The following MTMR10 variants were observed in gnomAD, a reference collection of about 807,000 sequenced individuals.
MTMR10 encodes myotubularin-related protein 10.
A neutral mutation model predicts 88.1 loss-of-function variants in MTMR10; 56 were observed. The observed-to-expected ratio is 0.64, with a 90% CI of 0.51 to 0.79. The LOEUF is 0.79. MTMR10 is among the 30% of genes least tolerant of loss of function. The probability of loss-of-function intolerance (pLI) is 0.00; values close to 1 mark genes in which losing one functional copy is unlikely to be tolerated. For missense variants in MTMR10, 883 were observed against 924.7 expected, an observed-to-expected ratio of 0.95 and a Z score of 0.58; for synonymous variants, 380 against 340.9, an observed-to-expected ratio of 1.11 and a Z score of -1.26.
At chr15:30,936,490 T>A (rs1421225398), downstream of MTMR10, among the ~76,000 whole-genome samples, 8 of 152,198 alleles carry the variant, frequency 5.3e-5, no homozygotes, top group Non-Finnish European at 1.0e-4. Context: ...TTTAAAACAA[T>A]TTTTCATTTG....
At chr15:30,947,709 C>T (rs1175747974) in intron 13 of MTMR10, among the ~76,000 whole-genome samples, 2 of 152,204 alleles carry the variant, frequency 1.3e-5, no homozygotes, top group Non-Finnish European at 2.9e-5. Context: ...CCCCATATTT[C>T]AGAAAACACT....
At chr15:30,990,699 CATG>C in intron 2 of MTMR10, 75 bp downstream of exon 2, 1 of 1,223,204 alleles carries the variant, frequency 8.2e-7, no homozygotes, top group Non-Finnish European at 1.2e-6. Context: ...AAGTTAACCA[CATG>C]ATACTAGTCG....
At chr15:30,951,459 C>T (rs181775393) in intron 12 of MTMR10, among the ~76,000 whole-genome samples, 61 of 152,256 alleles carry the variant, frequency 4.0e-4, no homozygotes, top group Admixed American at 6.5e-4. Context: ...AGGGTAAAAA[C>T]TGGACTACTT....
the MTMR10 span, among the ~76,000 whole-genome samples, chr15:30,926,273 C>T: frequency 2.2e-4 from 34 of 152,338 alleles, no homozygotes; most frequent in African/African-American, 7.9e-4. Context: ...TCCTTCTGTT[C>T]TCTCCTGCCC....
At chr15:30,985,783 T>C (rs1307686026) in intron 2 of MTMR10, among the ~76,000 whole-genome samples, 1 of 152,194 alleles carries the variant, frequency 6.6e-6, no homozygotes, top group African/African-American at 2.4e-5. Context: ...ATTAGTGCAC[T>C]TCCTTGGGGT....
At chr15:30,925,717 G>T in the MTMR10 span, 2 of 1,549,334 alleles carry the variant, frequency 1.3e-6, no homozygotes, top group Non-Finnish European at 1.8e-6. Flanking sequence ...CAATCCTCAC[G>T]ATGCTACAGG....
chr15:30,919,394 A>G, the MTMR10 span, among the ~76,000 whole-genome samples: 1 of 150,212 alleles, frequency 6.7e-6, no homozygotes. Context: ...AAAAAAAAAA[A>G]AAAAAATCAT....
At chr15:30,946,721 A>G (rs1440235029) in intron 14 of MTMR10, 1 of 702,866 alleles carries the variant, frequency 1.4e-6, no homozygotes, top group South Asian at 1.5e-5. Flanking sequence ...TTGTGACCAG[A>G]AACTTCAAAC....
In MTMR10 at chr15:30,990,692, T is replaced by G; in HGVS notation, c.121+85A>C. Reference sequence around the variant, plus strand: ...AGAAAGTTTAATGAGAGAAGGGAAGTTAACCACATGATACTAGTCGGCAGA... The same window carrying G: ...AGAAAGTTTAATGAGAGAAGGGAAGGTAACCACATGATACTAGTCGGCAGA... On this transcript the variant is annotated intron_variant, in intron 2 of 15. Transcript: ENST00000435680. The G allele has an allele frequency of 2.6e-6, 3 of 1,151,624 alleles. No homozygotes were observed. In the South Asian group the frequency reaches 4.2e-5, roughly 16 times the overall value. The allele number at this position is 1,151,624 out of a possible 1,614,324, so 71.3% of individuals were successfully genotyped here.
At chr15:30,929,088 A>G in the MTMR10 span, 1 of 872,830 alleles carries the variant, frequency 1.1e-6, no homozygotes, top group Non-Finnish European at 1.8e-6. Context: ...TTATCTTTTG[A>G]GAGAAAGAAT....
intron 12 of MTMR10, 28 bp downstream of exon 12, chr15:30,951,940 T>C: frequency 6.3e-7 from 1 of 1,588,174 alleles, no homozygotes; most frequent in Non-Finnish European, 8.6e-7. Context: ...ATGGTGGTCA[T>C]GGTGCTTTCA....
chr15:30,944,971 C>T (rs539993621), intron 14 of MTMR10, among the ~76,000 whole-genome samples: 1 of 151,484 alleles, frequency 6.6e-6, no homozygotes, highest in African/African-American at 2.4e-5. Flanking sequence ...GATATTGTAC[C>T]ACTGTACTCC....
In MTMR10 at chr15:30,952,048, G is replaced by T. The variant is rs555384869; in HGVS notation, c.1137-10C>A. On this transcript the variant is annotated splice_polypyrimidine_tract_variant and intron_variant, in intron 11 of 15. Coordinates refer to ENST00000435680, the MANE Select transcript of MTMR10 (RefSeq NM_017762.3). Reference sequence around the variant, plus strand: ...ATGCTTAAGGAATGCCCTGAAGAGAGAAAAGGAAAAGCAGTGTTAAAAATC... The same window carrying T: ...ATGCTTAAGGAATGCCCTGAAGAGATAAAAGGAAAAGCAGTGTTAAAAATC... The T allele has an allele frequency of 2.5e-6, 4 of 1,609,766 alleles. No homozygotes were observed. Among genetic ancestry groups the T allele is most frequent in the South Asian group, 1.1e-5 (1 of 90,908 alleles).
At chr15:30,938,235 T>TA (rs545329006), downstream of MTMR10, among the ~76,000 whole-genome samples, 7 of 152,308 alleles carry the variant, frequency 4.6e-5, no homozygotes, top group Admixed American at 4.6e-4. Context: ...TTCAAGTAAT[T>TA]AATTATATGG....
chr15:30,984,728 T>G (rs577390145), intron 2 of MTMR10, among the ~76,000 whole-genome samples: 200 of 152,280 alleles, frequency 1.3e-3, no homozygotes, highest in African/African-American at 4.5e-3. Context: ...CATTATCTAA[T>G]AGTTAATCTC....
the MTMR10 span, chr15:30,929,312 G>T: frequency 2.5e-6 from 4 of 1,612,686 alleles, no homozygotes; most frequent in South Asian, 4.4e-5. Context: ...CTGCGGGCCT[G>T]GGTGGCAGCC....
intron 14 of MTMR10, chr15:30,946,738 A>C: frequency 1.4e-6 from 1 of 703,098 alleles, no homozygotes; most frequent in Non-Finnish European, 2.6e-6. Context: ...AAACTCGTGA[A>C]GGAAAATAAT....
intron 5 of MTMR10, among the ~76,000 whole-genome samples, chr15:30,972,481 G>C (rs1278548413): frequency 6.6e-6 from 1 of 152,046 alleles, no homozygotes; most frequent in East Asian, 1.9e-4. Flanking sequence ...CTGAAACTTG[G>C]TCTTAGGAAA....
chr15:30,954,127 A>C (rs900744514), intron 10 of MTMR10, among the ~76,000 whole-genome samples: 2 of 152,086 alleles, frequency 1.3e-5, no homozygotes, highest in African/African-American at 4.8e-5. Context: ...GAGTGCACAT[A>C]ATCATTCAGG....
Sources: allele counts gnomAD v4.1 joint callset (sites outside exome capture counted in the v4.1 genomes callset), GRCh38; gene constraint gnomAD v4.1.1; transcripts MANE v1.5; gene names NCBI Gene and HGNC (gene_info 2026-07-23, HGNC 2026-07-21).